The following DNM2 variants were observed in gnomAD, a reference collection of about 807,000 sequenced individuals.
The protein encoded by DNM2 is dynamin-2.
In DNM2, 15 loss-of-function variants were observed where a neutral mutation model predicts 99.0. The ratio of observed to expected loss-of-function variants is 0.15; its 90% CI spans 0.10 to 0.23. DNM2 has a LOEUF of 0.23. DNM2 is among the 10% of genes least tolerant of loss of function. The pLI, the probability that DNM2 is intolerant of heterozygous loss-of-function variation, is 1.00. For synonymous variants in DNM2, 525 were observed against 481.2 expected (o/e 1.09, Z -1.19); for missense variants, 742 against 1,189.4 (o/e 0.62, Z 5.53).
intron 1 of DNM2, among the ~76,000 whole-genome samples, chr19:10,757,352 T>C (rs2070427722): frequency 6.6e-6 from 1 of 152,100 alleles, no homozygotes; most frequent in Admixed American, 6.6e-5. Context: ...CCAGGGTGTG[T>C]GGAAAGAGCA....
rs2072926184 is a variant in DNM2, at chr19:10,820,151, C to A, written c.1781+62C>A. 3 of 1,503,050 alleles carry A rather than the reference C, an allele frequency of 2.0e-6. No homozygotes were observed. The Admixed American group carries it at 5.0e-5, about 25-fold the overall frequency. The allele number at this position is 1,503,050 out of a possible 1,614,324, so 93.1% of individuals were successfully genotyped here. A position where few individuals can be genotyped will look rare whatever the true frequency, so the allele number is the denominator to read the frequency against. ...AAGACCAATGGCCTCATTCACACTCCACAACCTTCACTGAGCACTGAGCAC... is the reference window on the plus strand; with the variant it reads ...AAGACCAATGGCCTCATTCACACTCAACAACCTTCACTGAGCACTGAGCAC... On this transcript the variant is annotated intron_variant, in intron 16 of 20. Coordinates refer to ENST00000389253, the MANE Select transcript of DNM2 (RefSeq NM_001005361.3). The surrounding 1 kb of genome is among the most constrained non-coding windows in gnomAD (Gnocchi z 4.3).
At chr19:10,767,868 T>C (rs1425371897) in intron 2 of DNM2, among the ~76,000 whole-genome samples, 1 of 152,150 alleles carries the variant, frequency 6.6e-6, no homozygotes, top group African/African-American at 2.4e-5. Context: ...ATTTCACTAC[T>C]GCACTCCAGC....
chr19:10,800,473 C>G (rs1166452721), intron 11 of DNM2, among the ~76,000 whole-genome samples: 1 of 152,240 alleles, frequency 6.6e-6, no homozygotes, highest in African/African-American at 2.4e-5. Context: ...GGCCCTTCCA[C>G]AGCCCCTGGT....
chr19:10,786,648 G>A lies in DNM2; in HGVS notation c.934G>A (p.Glu312Lys), dbSNP rs370636702. 9.3e-6 allele frequency: 15 copies of A among 1,614,014 alleles called. No individual in the cohort carries two copies. Among genetic ancestry groups the A allele is most frequent in the Non-Finnish European group, 1.2e-5 (14 of 1,180,032 alleles). Reference sequence around the variant, plus strand: ...GCTGCTGTCCCTGGAGAAGGAGGTGGAGGAGTACAAGAACTTTCGGCCCGA... The same window carrying A: ...GCTGCTGTCCCTGGAGAAGGAGGTGAAGGAGTACAAGAACTTTCGGCCCGA... Reference protein sequence around the residue: ...SQLLSLEKEVEEYKNFRPDDP... With the variant: ...SQLLSLEKEVKEYKNFRPDDP... The change falls in exon 7 of 21, where the codon GAG becomes AAG. Residue 312 changes from glutamate to lysine, a missense_variant. By Grantham distance (56) the Glu-to-Lys change is moderately conservative. Around this residue, in one of 7 missense-constraint regions of DNM2, gnomAD observed 44 missense variants for 41.3 expected, o/e 1.06. Coordinates refer to ENST00000389253, the MANE Select transcript of DNM2 (RefSeq NM_001005361.3).
chr19:10,829,983 C>A, intron 19 of DNM2, 144 bp from the exon 20 acceptor site: 2 of 1,242,998 alleles, frequency 1.6e-6, no homozygotes, highest in Admixed American at 1.7e-5. Flanking sequence ...GTGGGACTGG[C>A]GCTCAGGTTG....
rs1467874168 is a variant in DNM2, at chr19:10,825,218, C to T, written c.2055C>T (p.Asn685=). The T allele has an allele frequency of 3.7e-6, 6 of 1,614,008 alleles. No individual in the cohort carries two copies. Among genetic ancestry groups the T allele is most frequent in the South Asian group, 1.1e-5 (1 of 91,074 alleles). ...MPKTIMHLMI[N]NTKAFIHHEL... ...AGACCATCATGCACCTCATGATCAA[C>T]AATGTGAGTGGAGAACTAAAAATGA... Residue 685 remains asparagine (N), a synonymous_variant, in exon 18 of 21, where the codon AAC becomes AAT. Coordinates refer to ENST00000389253, the MANE Select transcript of DNM2 (RefSeq NM_001005361.3).
chr19:10,825,322 G>A, intron 18 of DNM2, 101 bp downstream of exon 18: 3 of 1,519,006 alleles, frequency 2.0e-6, no homozygotes, highest in Non-Finnish European at 2.7e-6. Context: ...ATCACTTGAG[G>A]TCAGGAGTTC....
chr19:10,806,654 G>A (rs554190160), intron 13 of DNM2, among the ~76,000 whole-genome samples: 24 of 152,082 alleles, frequency 1.6e-4, no homozygotes, highest in Admixed American at 3.3e-4. Context: ...TTAACCAGGC[G>A]TGGTGGCACG....
chr19:10,749,462 G>A (rs1461519313), intron 1 of DNM2, among the ~76,000 whole-genome samples: 1 of 152,186 alleles, frequency 6.6e-6, no homozygotes, highest in African/African-American at 2.4e-5. Context: ...GCCCACTTTA[G>A]AGCTCTGAAA....
intron 12 of DNM2, 138 bp downstream of exon 12, chr19:10,802,496 C>A: frequency 3.2e-6 from 3 of 950,524 alleles, no homozygotes; most frequent in Non-Finnish European, 3.4e-6. Context: ...AAGGCAGAGC[C>A]AACTGAGAAT....
intron 1 of DNM2, among the ~76,000 whole-genome samples, chr19:10,727,797 G>A (rs1387868495): frequency 2.0e-5 from 3 of 152,078 alleles, no homozygotes; most frequent in Admixed American, 1.3e-4. Flanking sequence ...ACTTCTGCCC[G>A]ATTTGAATGA....
chr19:10,831,111 C>T lies in DNM2; in HGVS notation c.*64C>T. Reference sequence around the variant, plus strand: ...CCCGCGGCGCAGGAGCTTCAGTGGTCTGGGGCCCTCCGCCGCCCCTATGCT... The same window carrying T: ...CCCGCGGCGCAGGAGCTTCAGTGGTTTGGGGCCCTCCGCCGCCCCTATGCT... On this transcript the variant is annotated 3_prime_UTR_variant, in exon 21 of 21. Transcript: ENST00000389253. The surrounding 1 kb of genome is among the most constrained non-coding windows in gnomAD (Gnocchi z 4.3). 6.5e-7 allele frequency: 1 copy of T among 1,528,174 alleles called. No individual in the cohort carries two copies. Among genetic ancestry groups the T allele is most frequent in the Non-Finnish European group, 8.8e-7 (1 of 1,137,350 alleles). 94.7% of individuals were successfully genotyped at this position (1,528,174 alleles called of 1,614,324 possible).
intron 1 of DNM2, among the ~76,000 whole-genome samples, chr19:10,725,409 G>A (rs2069080333): frequency 6.7e-6 from 1 of 149,486 alleles, no homozygotes; most frequent in Non-Finnish European, 1.5e-5. Context: ...TCACGCCATT[G>A]CACTCCAGCC....
intron 1 of DNM2, among the ~76,000 whole-genome samples, chr19:10,732,272 GTTA>G (rs1305240539): frequency 7.5e-6 from 1 of 133,720 alleles, no homozygotes; most frequent in Non-Finnish European, 1.6e-5. Flanking sequence ...TGTTAAAGGA[GTTA>G]TTCAACTGTT....
intron 17 of DNM2, 130 bp downstream of exon 17, chr19:10,824,029 C>A (rs1373173313): frequency 8.5e-6 from 7 of 825,952 alleles, no homozygotes; most frequent in Non-Finnish European, 1.4e-5. Context: ...TAGCAGATGC[C>A]CACTTGAGCA....
intron 1 of DNM2, among the ~76,000 whole-genome samples, chr19:10,751,827 C>A (rs1331063586): frequency 6.6e-6 from 1 of 152,230 alleles, no homozygotes; most frequent in African/African-American, 2.4e-5. Context: ...GAATAACACT[C>A]AAAATTTTAA....
intron 1 of DNM2, among the ~76,000 whole-genome samples, chr19:10,723,209 A>G (rs1599413958): frequency 6.8e-6 from 1 of 146,980 alleles, no homozygotes; most frequent in Admixed American, 7.0e-5. Context: ...ATCTTGGCTC[A>G]CCGCAACCTC....
chr19:10,721,007 G>C (rs1338895210), intron 1 of DNM2, among the ~76,000 whole-genome samples: 1 of 151,964 alleles, frequency 6.6e-6, no homozygotes, highest in Non-Finnish European at 1.5e-5. Context: ...TTCTGGGTTG[G>C]GAACCTGGGT....
rs766691607 is a variant in DNM2, at chr19:10,816,429, C to A, written c.1672-3551C>A. 6.6e-6 allele frequency among the ~76,000 whole-genome samples: 1 copy of A among 152,040 alleles called. No individual in the cohort carries two copies. Among genetic ancestry groups the A allele is most frequent in the Non-Finnish European group, 1.5e-5 (1 of 67,984 alleles). ...TTTCTGGGGTCCCTGTGGAAGCTTC[C>A]AGAACCTCAGATCCAGCGAACCTCA... On this transcript the variant is annotated intron_variant, in intron 15 of 20. Coordinates refer to ENST00000389253, the MANE Select transcript of DNM2 (RefSeq NM_001005361.3). The surrounding 1 kb of genome is among the most constrained non-coding windows in gnomAD (Gnocchi z 4.6).
Sources: allele counts gnomAD v4.1 joint callset (sites outside exome capture counted in the v4.1 genomes callset), GRCh38; gene constraint gnomAD v4.1.1; regional missense constraint gnomAD v4.1.1; non-coding constraint Gnocchi (gnomAD v3.1); transcripts MANE v1.5; gene names NCBI Gene and HGNC (gene_info 2026-07-23, HGNC 2026-07-21).